Variants in CUL9 observed in about 807,000 individuals in gnomAD.
CUL9 encodes the protein cullin-9.
In CUL9, 79 loss-of-function variants were observed where a neutral mutation model predicts 272.6. The ratio of observed to expected loss-of-function variants is 0.29; its 90% confidence interval spans 0.24 to 0.35. CUL9 has a LOEUF of 0.35. Ranked by LOEUF, CUL9 falls within the 10% of genes least tolerant of loss-of-function variation. The probability of loss-of-function intolerance (pLI) is 1.00; values close to 1 mark genes in which losing one functional copy is unlikely to be tolerated. For missense variants in CUL9, 2,532 were observed against 3,255.6 expected, an observed-to-expected ratio of 0.78 and a Z score of 5.41; for synonymous variants, 1,186 against 1,286.5, an observed-to-expected ratio of 0.92 and a Z score of 1.67.
chr6:43,206,004 C>T lies in CUL9; in HGVS notation c.4794-3C>T. The stretch of plus-strand genomic sequence containing the variant: ...GGCTTGGCCCGGGCTGTGTGTGCTG[C>T]AGGCATTATATGGCGGACCGTCTCC... On this transcript the variant is annotated splice_polypyrimidine_tract_variant and splice_region_variant and intron_variant, in intron 24 of 40. Transcript: ENST00000252050. The surrounding 1 kb of genome is among the most constrained non-coding windows in gnomAD (Gnocchi z 4.8). 1 of 1,612,522 alleles carries T rather than the reference C, an allele frequency of 6.2e-7. No individual in the cohort carries two copies. Among genetic ancestry groups the T allele is most frequent in the Non-Finnish European group, 8.5e-7 (1 of 1,178,776 alleles).
intron 8 of CUL9, 114 bp downstream of exon 8, chr6:43,188,829 T>A: frequency 2.3e-6 from 2 of 867,212 alleles, no homozygotes; most frequent in Non-Finnish European, 3.5e-6. Flanking sequence ...GAGGGAAGGC[T>A]CAGCCTGAGG....
In CUL9 at chr6:43,200,569, CTG is replaced by C; in HGVS notation, c.3475+45_3475+46del. ...CTTTCTCCTGGCTCCCATCCAGTGT[CTG>C]TTCTCCCCTTCCCTTCCTGCTCCTT... On this transcript the variant is annotated intron_variant, in intron 15 of 40. Transcript: ENST00000252050. The surrounding 1 kb of genome is among the most constrained non-coding windows in gnomAD (Gnocchi z 4.0). 6.2e-7 allele frequency: 1 copy of C among 1,614,044 alleles called. No individual in the cohort carries two copies. The highest frequency in any genetic ancestry group is 8.5e-7 in the Non-Finnish European group (1 of 1,179,922).
Position 43,187,414 on chromosome 6 carries a change from A to G in CUL9, c.1556A>G (p.Gln519Arg). 1.2e-6 allele frequency: 2 copies of G among 1,614,164 alleles called. No homozygotes were observed. The highest frequency in any genetic ancestry group is 1.7e-6 in the Non-Finnish European group (2 of 1,179,996). Reference sequence around the variant, plus strand: ...TTGTGTGAGCAGCAGCCAATTTTCCAGAATCTTTGGAAGAACCTGGATGAG... The same window carrying G: ...TTGTGTGAGCAGCAGCCAATTTTCCGGAATCTTTGGAAGAACCTGGATGAG... ...LDLCEQQPIF[Q>R]NLWKNLDETL... Residue 519 changes from glutamine to arginine, a missense_variant, in exon 6 of 41, where the codon CAG (glutamine) becomes CGG (arginine). By Grantham distance (43) the Gln-to-Arg change is conservative. Coordinates refer to ENST00000252050, the MANE Select transcript of CUL9 (RefSeq NM_015089.4).
In CUL9 at chr6:43,199,877, C is replaced by A; in HGVS notation, c.3157-52C>A. On this transcript the variant is annotated intron_variant, in intron 13 of 40. Coordinates refer to ENST00000252050, the MANE Select transcript of CUL9 (RefSeq NM_015089.4). The surrounding 1 kb of genome is among the most constrained non-coding windows in gnomAD (Gnocchi z 4.4). Reference sequence around the variant, plus strand: ...TACTGAACCCTCTCCTCAATCCTTACATGTCCTACCTCTTGTTTCCTGTAA... The same window carrying A: ...TACTGAACCCTCTCCTCAATCCTTAAATGTCCTACCTCTTGTTTCCTGTAA... The A allele has an allele frequency of 7.0e-7, 1 of 1,432,492 alleles. No individual in the cohort carries two copies. Among genetic ancestry groups the A allele is most frequent in the Non-Finnish European group, 9.8e-7 (1 of 1,016,854 alleles). The allele number at this position is 1,432,492 out of a possible 1,614,324, so 88.7% of individuals were successfully genotyped here. A position where few individuals can be genotyped will look rare whatever the true frequency, so the allele number is the denominator to read the frequency against.
rs574692400 is a variant in CUL9, at chr6:43,199,618, A to T, written c.3156+247A>T. Among the ~76,000 whole-genome samples the T allele has an allele frequency of 6.6e-6, 1 of 152,332 alleles. No individual in the cohort carries two copies. Among genetic ancestry groups the T allele is most frequent in the East Asian group, 1.9e-4 (1 of 5,182 alleles). On this transcript the variant is annotated intron_variant, in intron 13 of 40. Coordinates refer to ENST00000252050, the MANE Select transcript of CUL9 (RefSeq NM_015089.4). The surrounding 1 kb of genome is among the most constrained non-coding windows in gnomAD (Gnocchi z 4.4). The stretch of plus-strand genomic sequence containing the variant: ...ACTAAGGAGAAGCCCACATTCACCA[A>T]TCCAGACAGCTGTCCTCCCTTCCGG...
rs776833353 is a variant in CUL9 at position 43,213,432 on chromosome 6, C to T, written c.5359-6C>T. On this transcript the variant is annotated splice_region_variant and splice_polypyrimidine_tract_variant and intron_variant, in intron 27 of 40. Coordinates refer to ENST00000252050, the MANE Select transcript of CUL9 (RefSeq NM_015089.4). This position sits in a 1 kb window ranked among gnomAD's most constrained non-coding sequence, Gnocchi z 5.7. ...TGACTCCTGACTGGGCGTTTCTGCT[C>T]ATCAGGAGGTGTCAGTAGAGACCTT... The T allele has an allele frequency of 3.0e-5, 48 of 1,614,108 alleles. No homozygotes were observed. The African/African-American group carries it at 5.2e-4, about 17-fold the overall frequency.
chr6:43,188,730 G>T lies in CUL9; in HGVS notation c.2180+15G>T. 1 of 1,578,742 alleles carries T rather than the reference G, an allele frequency of 6.3e-7. No homozygotes were observed. On this transcript the variant is annotated intron_variant, in intron 8 of 40. Coordinates refer to ENST00000252050, the MANE Select transcript of CUL9 (RefSeq NM_015089.4). ...AGATCGCTGAGGTTAGCATACTGGG[G>T]AGGGAAGAGGTTTTGGTTGAAGCTG...
At chr6:43,183,616 A>G (rs531655257) in intron 1 of CUL9, among the ~76,000 whole-genome samples, 76 of 152,228 alleles carry the variant, frequency 5.0e-4, no homozygotes, top group Middle Eastern at 3.4e-3. Flanking sequence ...TATCCTGCCT[A>G]AACTGTCTTG....
chr6:43,213,675 T>C lies in CUL9; in HGVS notation c.5489-38T>C. On this transcript the variant is annotated intron_variant, in intron 28 of 40. Coordinates refer to ENST00000252050, the MANE Select transcript of CUL9 (RefSeq NM_015089.4). The surrounding 1 kb of genome is among the most constrained non-coding windows in gnomAD (Gnocchi z 5.7). ...ATCTTAGTCCCCATTCATCTGTCCCTCTGCCTCCTCTGGTACCTGACCGGG... is the reference window on the plus strand; with the variant it reads ...ATCTTAGTCCCCATTCATCTGTCCCCCTGCCTCCTCTGGTACCTGACCGGG... 1.2e-6 allele frequency: 2 copies of C among 1,608,724 alleles called. No homozygotes were observed. The highest frequency in any genetic ancestry group is 4.5e-5 in the East Asian group (2 of 44,776).
At position 43,186,005 on chromosome 6, in the gene CUL9, G is replaced by C. The variant is rs761776844; in HGVS notation, c.801G>C (p.Thr267=). 1 of 1,613,996 alleles carries C rather than the reference G, an allele frequency of 6.2e-7. No homozygotes were observed. The highest frequency in any genetic ancestry group is 8.5e-7 in the Non-Finnish European group (1 of 1,179,884). The change falls in exon 4 of 41, where the codon ACG becomes ACC. Residue 267 remains threonine, a synonymous_variant. Transcript: ENST00000252050. ...FSLVKRYLCV[T]SLLDQLNSSP... is the part of the protein sequence containing the mutation. ...TGGTGAAGCGCTACCTTTGTGTCAC[G>C]TCCCTCCTGGATCAGCTGAATAGCA...
chr6:43,204,261 C>G, intron 20 of CUL9, 99 bp from the exon 21 acceptor site: 1 of 1,450,770 alleles, frequency 6.9e-7, no homozygotes. Context: ...CACTACCCCT[C>G]AAGCCTTTTT....
At chr6:43,185,387 G>T (rs1772814086) in intron 2 of CUL9, 69 bp from the exon 3 acceptor site, 2 of 1,541,214 alleles carry the variant, frequency 1.3e-6, no homozygotes, top group Non-Finnish European at 1.8e-6. Flanking sequence ...GTAGGAGATA[G>T]AATCTAGGAA....
intron 16 of CUL9, among the ~76,000 whole-genome samples, 190 bp from the exon 17 acceptor site, chr6:43,202,526 G>T (rs776281094): frequency 6.6e-6 from 1 of 152,162 alleles, no homozygotes; most frequent in Non-Finnish European, 1.5e-5. Flanking sequence ...TGAAACCAGG[G>T]CTCTGGCCTT....
chr6:43,188,128 G>T lies in CUL9; in HGVS notation c.1987+10G>T. ...AAGGAGGCAGCCAGTGGTGAGTCAG[G>T]TTCTGGGAGGAAGCAATTGGAACAA... On this transcript the variant is annotated intron_variant, in intron 7 of 40. Transcript: ENST00000252050. 4 of 1,613,304 alleles carry T rather than the reference G, an allele frequency of 2.5e-6. No homozygotes were observed. The highest frequency in any genetic ancestry group is 3.4e-6 in the Non-Finnish European group (4 of 1,179,994).
At position 43,213,220 on chromosome 6, in the gene CUL9, C is replaced by T; in HGVS notation, c.5284C>T (p.Leu1762=). The change falls in exon 27 of 41, where the codon CTG becomes TTG. Residue 1762 remains leucine, a synonymous_variant. Coordinates refer to ENST00000252050, the MANE Select transcript of CUL9 (RefSeq NM_015089.4). This position sits in a 1 kb window ranked among gnomAD's most constrained non-coding sequence, Gnocchi z 5.7. ...LQWTWLGRAE[L]QFGKQILHVS... ...GTGGACGTGGCTGGGCCGGGCTGAGCTGCAGTTTGGGAAGCAGATACTGCA... is the reference window on the plus strand; with the variant it reads ...GTGGACGTGGCTGGGCCGGGCTGAGTTGCAGTTTGGGAAGCAGATACTGCA... 1 of 1,614,086 alleles carries T rather than the reference C, an allele frequency of 6.2e-7. No individual in the cohort carries two copies. Among genetic ancestry groups the T allele is most frequent in the South Asian group, 1.1e-5 (1 of 91,080 alleles).
At position 43,199,115 on chromosome 6, in the gene CUL9, T is replaced by C; in HGVS notation, c.3051-151T>C. The C allele has an allele frequency of 1.3e-6, 1 of 765,230 alleles. No homozygotes were observed. Among genetic ancestry groups the C allele is most frequent in the South Asian group, 1.6e-5 (1 of 60,640 alleles). 47.4% of individuals were successfully genotyped at this position (765,230 alleles called of 1,614,324 possible). ...CCATGCCCAGCTAATTTTGTATTTT[T>C]AGTAGAGATGGGGTTTCTCCATTTT... On this transcript the variant is annotated intron_variant, in intron 12 of 40. Transcript: ENST00000252050. This position sits in a 1 kb window ranked among gnomAD's most constrained non-coding sequence, Gnocchi z 4.4.
At position 43,204,754 on chromosome 6, in the gene CUL9, A is replaced by C. The variant is rs1774916762; in HGVS notation, c.4346A>C (p.Lys1449Thr). 6.2e-7 allele frequency: 1 copy of C among 1,614,132 alleles called. No homozygotes were observed. Among genetic ancestry groups the C allele is most frequent in the African/African-American group, 1.3e-5 (1 of 75,058 alleles). ...SPEPSTRPFS[K>T]NSKGRDRSPA... The stretch of plus-strand genomic sequence containing the variant: ...TCTCCCTCTGTCTCTACAGTCAGCA[A>C]GAACAGCAAGGGTCGGGACCGGAGC... The change falls in exon 22 of 41, where the codon AAG becomes ACG. Residue 1449 changes from lysine (K) to threonine (T), a missense_variant. This residue lies in a region of CUL9 where 2,218 missense variants were observed against 2,788.6 expected (regional missense o/e 0.80). Transcript: ENST00000252050.
chr6:43,203,122 C>G lies in CUL9; in HGVS notation c.3767C>G (p.Pro1256Arg). 6.2e-7 allele frequency: 1 copy of G among 1,613,342 alleles called. No homozygotes were observed. The highest frequency in any genetic ancestry group is 8.5e-7 in the Non-Finnish European group (1 of 1,180,012). ...GTELNTVNVM[P>R]SASRVILLEN... ...CTGCCCTACCAGGTGAATGTGATGC[C>G]CTCTGCCAGCCGGGTGATCCTCTTG... Residue 1256 changes from proline to arginine, a missense_variant, in exon 18 of 41, where the codon CCC becomes CGC. By Grantham distance (103) the Pro-to-Arg change is moderately radical. This residue lies in a region of CUL9 where 2,218 missense variants were observed against 2,788.6 expected (regional missense o/e 0.80). Coordinates refer to ENST00000252050, the MANE Select transcript of CUL9 (RefSeq NM_015089.4). The surrounding 1 kb of genome is among the most constrained non-coding windows in gnomAD (Gnocchi z 5.0).
chr6:43,220,549 A>G lies in CUL9; in HGVS notation c.6373A>G (p.Thr2125Ala), dbSNP rs757631727. 6.2e-7 allele frequency: 1 copy of G among 1,613,996 alleles called. No individual in the cohort carries two copies. Among genetic ancestry groups the G allele is most frequent in the East Asian group, 2.2e-5 (1 of 44,872 alleles). ...CPIADCPAQP[T>A]GAFIRAIVSS... ...CATTGCCGACTGCCCCGCCCAGCCC[A>G]CCGGAGCCTTCATTCGTGCCATCGT... The change falls in exon 32 of 41, where the codon ACC (threonine) becomes GCC (alanine). Residue 2125 changes from threonine to alanine, a missense_variant. This residue lies in a region of CUL9 where 2,218 missense variants were observed against 2,788.6 expected (regional missense o/e 0.80). Transcript: ENST00000252050. The surrounding 1 kb of genome is among the most constrained non-coding windows in gnomAD (Gnocchi z 4.9).
Sources: gnomAD v4.1 joint callset for allele counts (sites outside exome capture counted in the v4.1 genomes callset) on GRCh38, gnomAD v4.1.1 for gene constraint, gnomAD v4.1.1 regional missense constraint, Gnocchi (gnomAD v3.1) non-coding constraint, MANE v1.5 for transcripts, NCBI Gene and HGNC (gene_info 2026-07-23, HGNC 2026-07-21) for gene names.